The following LYRM4 variants were observed in gnomAD, a reference collection of about 807,000 sequenced individuals.
LYRM4 encodes the protein LYR motif-containing protein 4.
A neutral mutation model predicts 11.7 loss-of-function variants in LYRM4; 9 were observed. The ratio of observed to expected loss-of-function variants is 0.77; its 90% CI spans 0.46 to 1.34. The LOEUF is 1.34. Among genes scored for constraint, LYRM4 ranks in the 40% most tolerant of loss-of-function variants. The pLI is 0.00. For synonymous variants in LYRM4, 42 were observed against 40.4 expected (o/e 1.04, Z -0.15); for missense variants, 133 against 112.5 (o/e 1.18, Z -0.82).
At chr6:5,114,657 T>C (rs1204130418) in intron 2 of LYRM4, among the ~76,000 whole-genome samples, 1 of 152,096 alleles carries the variant, frequency 6.6e-6, no homozygotes, top group African/African-American at 2.4e-5. Flanking sequence ...GTCCAATCTT[T>C]TTGCTTCCCT....
intron 2 of LYRM4, among the ~76,000 whole-genome samples, chr6:5,211,493 T>C (rs1761984900): frequency 6.6e-6 from 1 of 152,242 alleles, no homozygotes; most frequent in East Asian, 1.9e-4. Flanking sequence ...ATCTCACACT[T>C]ACATTAACAA....
At chr6:5,102,344 C>T (rs1762530924), downstream of LYRM4, among the ~76,000 whole-genome samples, 1 of 152,154 alleles carries the variant, frequency 6.6e-6, no homozygotes, top group South Asian at 2.1e-4. Context: ...AGTCCTTGGT[C>T]ATACATCCTG....
intron 1 of LYRM4, among the ~76,000 whole-genome samples, chr6:5,252,442 A>G (rs2753237): frequency 0.29 from 43,627 of 151,978 alleles, 7,891 homozygotes; most frequent in African/African-American, 0.51. Context: ...TCAGTCCAAC[A>G]CTTCAGCCAC....
chr6:5,161,877 G>C (rs1374850227), intron 2 of LYRM4, among the ~76,000 whole-genome samples: 1 of 152,156 alleles, frequency 6.6e-6, no homozygotes, highest in East Asian at 1.9e-4. Flanking sequence ...ATAACACTGG[G>C]TGCCCATTAT....
chr6:5,139,025 G>A (rs1757264029), intron 2 of LYRM4, among the ~76,000 whole-genome samples: 1 of 152,208 alleles, frequency 6.6e-6, no homozygotes, highest in African/African-American at 2.4e-5. Flanking sequence ...GATGTTCGTT[G>A]AGTACCTACT....
At chr6:5,085,370 C>T in the LYRM4 span, 73 of 741,298 alleles carry the variant, frequency 9.8e-5, no homozygotes, top group East Asian at 1.9e-3. Flanking sequence ...GGGCGACTCG[C>T]CTCGGGGAGG....
At chr6:5,118,361 C>T (rs1763243473) in intron 2 of LYRM4, among the ~76,000 whole-genome samples, 1 of 152,090 alleles carries the variant, frequency 6.6e-6, no homozygotes, top group African/African-American at 2.4e-5. Context: ...AGGTGATCCG[C>T]CTGACTCGGC....
chr6:5,137,990 T>G (rs1227751450), intron 2 of LYRM4, among the ~76,000 whole-genome samples: 2 of 152,156 alleles, frequency 1.3e-5, no homozygotes, highest in Non-Finnish European at 2.9e-5. Context: ...GGTGCAGAGT[T>G]CACTTTGCCT....
At chr6:5,253,624 G>T (rs980588033) in intron 1 of LYRM4, among the ~76,000 whole-genome samples, 4 of 152,104 alleles carry the variant, frequency 2.6e-5, no homozygotes, top group Non-Finnish European at 5.9e-5. Context: ...AAGAAGTTTT[G>T]CAAAGGAGAC....
chr6:5,153,389 C>T (rs190557572), intron 2 of LYRM4, among the ~76,000 whole-genome samples: 6 of 152,324 alleles, frequency 3.9e-5, no homozygotes, highest in East Asian at 1.9e-4. Flanking sequence ...CCACACCTGG[C>T]GCCCTTGCTA....
chr6:5,216,554 C>T, intron 2 of LYRM4, 64 bp downstream of exon 2: 1 of 1,598,188 alleles, frequency 6.3e-7, no homozygotes, highest in Non-Finnish European at 8.6e-7. Context: ...GCTGTCTAAT[C>T]AAGGGGAATA....
At chr6:5,112,601 G>A (rs189163286) in intron 2 of LYRM4, among the ~76,000 whole-genome samples, 2 of 152,354 alleles carry the variant, frequency 1.3e-5, no homozygotes, top group East Asian at 3.9e-4. Context: ...TTGTGCGGGT[G>A]AGACTTTCAG....
At chr6:5,243,129 C>T (rs34347613) in intron 1 of LYRM4, among the ~76,000 whole-genome samples, 1,588 of 152,292 alleles carry the variant, frequency 0.01, 33 homozygotes, top group African/African-American at 0.035. Flanking sequence ...TCTTCAAGGG[C>T]GAATTTGAAG....
chr6:5,044,904 G>C, the LYRM4 span, among the ~76,000 whole-genome samples: 1 of 152,092 alleles, frequency 6.6e-6, no homozygotes, highest in Admixed American at 6.5e-5. Context: ...CTTTCTCCTG[G>C]GCACGCAGGA....
chr6:5,236,127 T>C (rs969174375), intron 1 of LYRM4, among the ~76,000 whole-genome samples: 12 of 152,178 alleles, frequency 7.9e-5, no homozygotes, highest in Admixed American at 4.6e-4. Flanking sequence ...AGTGGAGTGA[T>C]GTTAATAGAC....
At chr6:5,056,655 G>A in the LYRM4 span, among the ~76,000 whole-genome samples, 1 of 152,142 alleles carries the variant, frequency 6.6e-6, no homozygotes, top group Non-Finnish European at 1.5e-5. Flanking sequence ...TTAAATACCA[G>A]GTAGCTGTCA....
At chr6:5,086,290 C>G in the LYRM4 span, 2 of 1,535,438 alleles carry the variant, frequency 1.3e-6, no homozygotes, top group African/African-American at 2.7e-5. Flanking sequence ...TGAGCTGCAG[C>G]CCGAGCCGCT....
intron 2 of LYRM4, among the ~76,000 whole-genome samples, chr6:5,187,846 C>A (rs1204476898): frequency 1.3e-5 from 2 of 150,810 alleles, no homozygotes; most frequent in East Asian, 3.9e-4. Context: ...AAAAAAGAAG[C>A]TGTAAGGGAG....
chr6:5,083,111 T>C, the LYRM4 span, among the ~76,000 whole-genome samples: 1 of 152,190 alleles, frequency 6.6e-6, no homozygotes, highest in Non-Finnish European at 1.5e-5. Context: ...TGCACCTGCA[T>C]GACCCTGAGA....
Sources: allele counts gnomAD v4.1 joint callset (sites outside exome capture counted in the v4.1 genomes callset), GRCh38; gene constraint gnomAD v4.1.1; transcripts MANE v1.5; gene names NCBI Gene and HGNC (gene_info 2026-07-23, HGNC 2026-07-21).